The following CCDC141 variants were observed in gnomAD, a reference collection of about 807,000 sequenced individuals.
CCDC141 encodes coiled-coil domain containing 141, also known as coiled-coil domain-containing protein 141.
CCDC141 carries 168 observed loss-of-function variants against 181.0 expected under a neutral mutation model. The ratio of observed to expected loss-of-function variants is 0.93; its 90% CI spans 0.82 to 1.05. The LOEUF (loss-of-function observed/expected upper bound fraction) is 1.05, where lower values mean the gene tolerates loss of function less well. CCDC141 is among the 50% of genes least tolerant of loss of function. The pLI is 0.00. For synonymous variants in CCDC141, 666 were observed against 642.3 expected, an observed-to-expected ratio of 1.04 and a Z score of -0.56; for missense variants, 1,902 against 1,788.5, an observed-to-expected ratio of 1.06 and a Z score of -1.14.
At chr2:178,921,157 C>T (rs1028378450) in intron 6 of CCDC141, among the ~76,000 whole-genome samples, 2 of 152,164 alleles carry the variant, frequency 1.3e-5, no homozygotes, top group Non-Finnish European at 2.9e-5. Context: ...ATATGGGCTA[C>T]GTGAGTTCTC....
intron 4 of CCDC141, among the ~76,000 whole-genome samples, chr2:178,966,859 A>T (rs1395218712): frequency 1.3e-5 from 2 of 152,074 alleles, no homozygotes; most frequent in Non-Finnish European, 2.9e-5. Flanking sequence ...CTTGAAAAAA[A>T]GGTTAGACGA....
intron 4 of CCDC141, among the ~76,000 whole-genome samples, chr2:178,970,277 G>A (rs540142515): frequency 6.6e-6 from 1 of 152,190 alleles, no homozygotes; most frequent in Admixed American, 6.5e-5. Flanking sequence ...CTACTTTAAA[G>A]TTCATATGGA....
chr2:178,944,845 G>GA (rs886536547), intron 5 of CCDC141, among the ~76,000 whole-genome samples, 194 bp from the exon 6 acceptor site: 2 of 151,842 alleles, frequency 1.3e-5, no homozygotes, highest in African/African-American at 2.4e-5. Context: ...GCATAAAAGA[G>GA]AAAAAATCCC....
chr2:179,036,858 T>C (rs1471485016), intron 2 of CCDC141, among the ~76,000 whole-genome samples: 2 of 152,214 alleles, frequency 1.3e-5, no homozygotes, highest in South Asian at 2.1e-4. Context: ...AAGGTGCCAA[T>C]TGATCTCACT....
chr2:178,837,398 T>C lies in CCDC141; in HGVS notation c.3821A>G (p.Asp1274Gly), dbSNP rs1326629479. ...TGTTTCTCTCTTATCATTGCATGCA[T>C]CCGCAAAGGCAACAGGTGGTGGAAG... ...SVLPPPVAFA[D>G]ACNDKRETFS... Residue 1274 changes from aspartate (D) to glycine (G), a missense_variant, in exon 23 of 24, where the codon GAT (aspartate) becomes GGT (glycine). By Grantham distance (94) the Asp-to-Gly change is moderately conservative. Coordinates refer to ENST00000443758, the MANE Select transcript of CCDC141 (RefSeq NM_173648.4). The C allele has an allele frequency of 6.2e-7, 1 of 1,614,066 alleles. No homozygotes were observed. Among genetic ancestry groups the C allele is most frequent in the South Asian group, 1.1e-5 (1 of 91,080 alleles).
chr2:178,855,565 T>C (rs1005970599), intron 18 of CCDC141, 24 bp from the exon 19 acceptor site: 4 of 1,487,344 alleles, frequency 2.7e-6, no homozygotes, highest in African/African-American at 1.4e-5. Context: ...AAAAAGTTTT[T>C]TAAACAACAT....
At chr2:178,966,405 A>G (rs1025150954) in intron 4 of CCDC141, among the ~76,000 whole-genome samples, 1 of 152,150 alleles carries the variant, frequency 6.6e-6, no homozygotes, top group Non-Finnish European at 1.5e-5. Flanking sequence ...TCTGGGATGA[A>G]GCTTCCAGAG....
chr2:178,828,815 C>T (rs1403236509), downstream of CCDC141, among the ~76,000 whole-genome samples: 1 of 151,914 alleles, frequency 6.6e-6, no homozygotes, highest in Admixed American at 6.6e-5. Context: ...AAAGTAGGTC[C>T]CTTTATATTT....
rs190635927 is a variant in CCDC141 at position 178,969,819 on chromosome 2, G to A, written c.526+5238C>T. On this transcript the variant is annotated intron_variant, in intron 4 of 23. Transcript: ENST00000443758. ...GAAATAAACGGTATTCAAATAGGAA[G>A]AGAAGAAGTCAAATTGTCTCTGTTT... Among the ~76,000 whole-genome samples the A allele has an allele frequency of 1.8e-3, 270 of 152,314 alleles. 5 individuals are homozygous for A. In the South Asian group the frequency reaches 0.023, roughly 13 times the overall value.
At chr2:178,983,353 C>T (rs960420073) in intron 2 of CCDC141, among the ~76,000 whole-genome samples, 82 of 152,214 alleles carry the variant, frequency 5.4e-4, no homozygotes, top group African/African-American at 1.8e-3. Flanking sequence ...GATAAAACCA[C>T]GAAGAGGGGG....
chr2:178,837,624 C>T lies in CCDC141; in HGVS notation c.3595G>A (p.Asp1199Asn), dbSNP rs1404384874. The T allele has an allele frequency of 1.2e-6, 2 of 1,614,024 alleles. No homozygotes were observed. The highest frequency in any genetic ancestry group is 2.7e-5 in the African/African-American group (2 of 75,024). The change falls in exon 23 of 24, where the codon GAC becomes AAC. Residue 1199 changes from aspartate to asparagine, a missense_variant. Coordinates refer to ENST00000443758, the MANE Select transcript of CCDC141 (RefSeq NM_173648.4). ...TCATATTCTTCCCCTGAGAGCATGT[C>T]TTCAGGCAGGAGCAGGTCCTGGACG... Reference protein sequence around the residue: ...GGVQDLLLPEDMLSGEEYECV... With the variant: ...GGVQDLLLPENMLSGEEYECV...
rs532886374 is a variant in CCDC141 at position 178,986,150 on chromosome 2, G to A, written c.226-7475C>T. Among the ~76,000 whole-genome samples, 117 of 152,320 alleles carry A rather than the reference G, an allele frequency of 7.7e-4. 2 individuals carry two copies. The highest frequency in any genetic ancestry group is 2.7e-3 in the African/African-American group (113 of 41,574). On this transcript the variant is annotated intron_variant, in intron 2 of 23. Coordinates refer to ENST00000443758, the MANE Select transcript of CCDC141 (RefSeq NM_173648.4). ...AGTGGGCTTCATCCCTGGGATGGAA[G>A]GCTGGTTCAATATACGCAAATCAAT... is the stretch of plus-strand genomic sequence containing the variant.
intron 7 of CCDC141, among the ~76,000 whole-genome samples, chr2:178,913,717 G>A (rs1489487): frequency 0.6 from 91,432 of 152,010 alleles, 27,967 homozygotes; most frequent in Admixed American, 0.67. Context: ...GTTACATTTC[G>A]AACTACTTTT....
intron 2 of CCDC141, among the ~76,000 whole-genome samples, chr2:179,013,711 T>C (rs866292596): frequency 1.6e-4 from 24 of 152,134 alleles, no homozygotes; most frequent in Middle Eastern, 6.8e-3. Flanking sequence ...CTCATGCCTA[T>C]AATTCCAGCA....
intron 22 of CCDC141, among the ~76,000 whole-genome samples, chr2:178,841,515 A>T (rs1364713246): frequency 6.6e-6 from 1 of 152,262 alleles, no homozygotes; most frequent in African/African-American, 2.4e-5. Flanking sequence ...AATGCATTAA[A>T]TTATCACAGG....
At chr2:178,967,340 G>C (rs1690685895) in intron 4 of CCDC141, among the ~76,000 whole-genome samples, 1 of 152,140 alleles carries the variant, frequency 6.6e-6, no homozygotes, top group Admixed American at 6.5e-5. Context: ...AAAATGTTAA[G>C]GGCAGCCAGA....
intron 7 of CCDC141, among the ~76,000 whole-genome samples, chr2:178,905,957 A>G (rs146129259): frequency 1.3e-5 from 2 of 152,324 alleles, no homozygotes; most frequent in Non-Finnish European, 2.9e-5. Flanking sequence ...CTCTTGAAGC[A>G]CTGTAGAGAA....
At chr2:179,036,483 T>G (rs892948999) in intron 2 of CCDC141, among the ~76,000 whole-genome samples, 1 of 152,158 alleles carries the variant, frequency 6.6e-6, no homozygotes, top group African/African-American at 2.4e-5. Context: ...CTATTTAAAC[T>G]TAAGCCCCTT....
chr2:178,981,132 A>T (rs1433923876), intron 2 of CCDC141, among the ~76,000 whole-genome samples: 2 of 152,222 alleles, frequency 1.3e-5, no homozygotes, highest in African/African-American at 4.8e-5. Flanking sequence ...ATGCAGAAAT[A>T]GATAAATATA....
Sources: allele counts gnomAD v4.1 joint callset (sites outside exome capture counted in the v4.1 genomes callset), GRCh38; gene constraint gnomAD v4.1.1; transcripts MANE v1.5; gene names NCBI Gene and HGNC (gene_info 2026-07-23, HGNC 2026-07-21).